The following IGSF10 variants were observed in gnomAD, a reference collection of about 807,000 sequenced individuals.
The protein encoded by IGSF10 is calvaria mechanical force protein 608.
In IGSF10, 126 loss-of-function variants were observed where a neutral mutation model predicts 128.2. The observed-to-expected ratio is 0.98, with a 90% CI of 0.85 to 1.14. The LOEUF is 1.14. Among genes scored for constraint, IGSF10 ranks in the 50% most tolerant of loss-of-function variants. The pLI, the probability that IGSF10 is intolerant of heterozygous loss-of-function variation, is 0.00. For missense variants in IGSF10, 3,295 were observed against 3,149.8 expected, an observed-to-expected ratio of 1.05 and a Z score of -1.10; for synonymous variants, 1,185 against 1,146.2, an observed-to-expected ratio of 1.03 and a Z score of -0.68.
Position 151,436,444 on chromosome 3 carries a change from TTTA to T in IGSF10, c.*242_*244del, listed in dbSNP as rs1395651560. The stretch of plus-strand genomic sequence containing the variant: ...TTATAGTGAACCGTTTCAATGTTTG[TTTA>T]TTGTTATTTGTTGGCAAAATAAAAG... On this transcript the variant is annotated 3_prime_UTR_variant, in exon 8 of 8. Transcript: ENST00000282466. 2 of 371,078 alleles carry T rather than the reference TTTA, an allele frequency of 5.4e-6. No homozygotes were observed. The highest frequency in any genetic ancestry group is 2.1e-5 in the African/African-American group (1 of 47,668). 23.0% of individuals were successfully genotyped at this position (371,078 alleles called of 1,614,324 possible).
Position 151,437,778 on chromosome 3 carries a change from G to A in IGSF10, c.6783C>T (p.Cys2261=). The stretch of plus-strand genomic sequence containing the variant: ...CAGGAGATGGTGTCCCTTCAGCTCT[G>A]CAGTCAAAGTGTTTTTTGGAATGTC... The part of the protein sequence containing the change: ...AVRHSKKHFD[C]RAEGTPSPEV... The change falls in exon 8 of 8, where the codon TGC becomes TGT. Residue 2261 remains cysteine (C), a synonymous_variant. Transcript: ENST00000282466. The A allele has an allele frequency of 2.5e-6, 4 of 1,613,762 alleles. No individual in the cohort carries two copies. The highest frequency in any genetic ancestry group is 1.1e-5 in the South Asian group (1 of 91,084).
At chr3:151,538,198 T>C in the IGSF10 span, among the ~76,000 whole-genome samples, 5 of 152,206 alleles carry the variant, frequency 3.3e-5, no homozygotes, top group Non-Finnish European at 7.3e-5. Context: ...TTGATATTCT[T>C]AGAGGTTTCT....
the IGSF10 span, among the ~76,000 whole-genome samples, chr3:151,590,656 A>T: frequency 2.0e-5 from 3 of 152,332 alleles, no homozygotes; most frequent in South Asian, 4.1e-4. Flanking sequence ...TAGGAAAAGC[A>T]TCATGCAGAG....
the IGSF10 span, among the ~76,000 whole-genome samples, chr3:151,545,910 G>C: frequency 6.6e-6 from 1 of 152,096 alleles, no homozygotes; most frequent in Non-Finnish European, 1.5e-5. Flanking sequence ...TAGTGCAGGG[G>C]TTAACAAATT....
the IGSF10 span, among the ~76,000 whole-genome samples, chr3:151,604,626 C>CACACATAT: frequency 8.2e-6 from 1 of 121,510 alleles, no homozygotes; most frequent in East Asian, 2.6e-4. Context: ...CACACACACA[C>CACACATAT]ATATATATAT....
chr3:151,550,080 T>G, the IGSF10 span, among the ~76,000 whole-genome samples: 1 of 152,130 alleles, frequency 6.6e-6, no homozygotes, highest in Non-Finnish European at 1.5e-5. Context: ...AATTGAGAAC[T>G]TTTAGCAACA....
At chr3:151,612,515 A>C in the IGSF10 span, among the ~76,000 whole-genome samples, 1 of 152,200 alleles carries the variant, frequency 6.6e-6, no homozygotes, top group East Asian at 1.9e-4. Flanking sequence ...TCAGAGGGAT[A>C]GAGCAATAAG....
At chr3:151,482,899 G>A in the IGSF10 span, among the ~76,000 whole-genome samples, 77 of 51,974 alleles carry the variant, frequency 1.5e-3, no homozygotes, top group African/African-American at 5.7e-3. Context: ...CAGTCTAAGT[G>A]TTTTTTTGTT....
At chr3:151,468,240 G>A in the IGSF10 span, among the ~76,000 whole-genome samples, 2 of 152,272 alleles carry the variant, frequency 1.3e-5, no homozygotes, top group Admixed American at 6.5e-5. Context: ...ATTTTGAGAG[G>A]ACTCTAGAGC....
the IGSF10 span, among the ~76,000 whole-genome samples, chr3:151,580,889 G>A: frequency 2.6e-5 from 4 of 151,770 alleles, no homozygotes; most frequent in Non-Finnish European, 5.9e-5. Context: ...TAAATTTATG[G>A]TATCTATTGT....
chr3:151,599,636 A>T, the IGSF10 span, among the ~76,000 whole-genome samples: 1 of 152,212 alleles, frequency 6.6e-6, no homozygotes, highest in Non-Finnish European at 1.5e-5. Flanking sequence ...CGAACTTTAA[A>T]CACTAATTAA....
the IGSF10 span, among the ~76,000 whole-genome samples, chr3:151,527,000 T>C: frequency 4.4e-4 from 66 of 151,242 alleles, no homozygotes; most frequent in Non-Finnish European, 7.3e-4. Context: ...AGTTGCTGAA[T>C]TTGCTTTTTG....
chr3:151,499,418 C>T, the IGSF10 span, among the ~76,000 whole-genome samples: 1 of 152,082 alleles, frequency 6.6e-6, no homozygotes, highest in African/African-American at 2.4e-5. Context: ...TTCCAAGGAT[C>T]TAGAGAACTG....
At chr3:151,555,383 C>A in the IGSF10 span, among the ~76,000 whole-genome samples, 2 of 151,846 alleles carry the variant, frequency 1.3e-5, no homozygotes, top group Non-Finnish European at 2.9e-5. Flanking sequence ...CTAGGACTTA[C>A]ACGGTTGGAA....
At chr3:151,533,964 A>G in the IGSF10 span, among the ~76,000 whole-genome samples, 1 of 152,182 alleles carries the variant, frequency 6.6e-6, no homozygotes, top group Non-Finnish European at 1.5e-5. Flanking sequence ...ACAAGAAAAC[A>G]ACAACAACAA....
the IGSF10 span, among the ~76,000 whole-genome samples, chr3:151,476,348 T>C: frequency 1.3e-5 from 2 of 151,830 alleles, no homozygotes; most frequent in African/African-American, 4.8e-5. Context: ...TGGAGAAACA[T>C]GCTGTTTTAA....
intron 4 of IGSF10, 83 bp from the exon 5 acceptor site, chr3:151,453,857 T>G (rs1281928093): frequency 1.2e-6 from 1 of 831,698 alleles, no homozygotes; most frequent in Non-Finnish European, 1.9e-6. Context: ...ACAAAACTTA[T>G]GTTGAAATTA....
the IGSF10 span, among the ~76,000 whole-genome samples, chr3:151,591,884 C>CT: frequency 5.9e-5 from 9 of 152,110 alleles, no homozygotes; most frequent in African/African-American, 1.9e-4. Context: ...ACATCTTTCT[C>CT]TTTTTTTAGC....
chr3:151,436,800 T>C lies in IGSF10; in HGVS notation c.7761A>G (p.Gln2587=). The C allele has an allele frequency of 1.2e-6, 2 of 1,614,146 alleles. No homozygotes were observed. The highest frequency in any genetic ancestry group is 1.1e-5 in the South Asian group (1 of 91,086). ...RTHGSEQLHL[Q]GTLVIQNPQT... Reference sequence around the variant, plus strand: ...GGGGATTCTGAATGACTAGGGTACCTTGTAAGTGAAGCTGCTCACTTCCAT... The same window carrying C: ...GGGGATTCTGAATGACTAGGGTACCCTGTAAGTGAAGCTGCTCACTTCCAT... Residue 2587 remains glutamine (Q), a synonymous_variant, in exon 8 of 8, where the codon CAA becomes CAG. Coordinates refer to ENST00000282466, the MANE Select transcript of IGSF10 (RefSeq NM_178822.5).
Sources: gnomAD v4.1 joint callset for allele counts (sites outside exome capture counted in the v4.1 genomes callset) on GRCh38, gnomAD v4.1.1 for gene constraint, MANE v1.5 for transcripts, NCBI Gene and HGNC (gene_info 2026-07-23, HGNC 2026-07-21) for gene names.